Variants in GANC observed in about 807,000 individuals in gnomAD.
GANC encodes the protein glucosidase alpha, neutral C.
Under a neutral mutation model 124.2 loss-of-function variants are expected in GANC, and 117 were observed. The ratio of observed to expected loss-of-function variants is 0.94; its 90% CI spans 0.81 to 1.10. The LOEUF is 1.10. GANC is among the 50% of genes least tolerant of loss of function. GANC has a pLI of 0.00. For synonymous variants in GANC, 377 were observed against 376.8 expected (o/e 1.00, Z -0.01); for missense variants, 1,140 against 1,095.0 (o/e 1.04, Z -0.58).
intron 17 of GANC, 127 bp downstream of exon 17, chr15:42,340,039 A>T: frequency 7.8e-7 from 1 of 1,281,810 alleles, no homozygotes; most frequent in Non-Finnish European, 1.1e-6. Context: ...TGTTTAATCA[A>T]GTTTCAATAA....
intron 18 of GANC, among the ~76,000 whole-genome samples, chr15:42,341,609 G>C (rs1052907864): frequency 2.6e-5 from 4 of 151,546 alleles, no homozygotes; most frequent in Non-Finnish European, 5.9e-5. Flanking sequence ...TGTCACCCAG[G>C]CTGGAGTGCA....
chr15:42,350,974 G>C (rs1254188327), intron 22 of GANC, among the ~76,000 whole-genome samples: 4 of 151,130 alleles, frequency 2.6e-5, no homozygotes, highest in Admixed American at 6.6e-5. Context: ...CAGGTTCGGG[G>C]GATTCTCGTG....
Position 42,343,078 on chromosome 15 carries a change from G to A in GANC, c.2153G>A (p.Gly718Glu), listed in dbSNP as rs770599159. ...TFDMEDEYMLGSALLVHPVTE... is the reference protein window; with the variant it reads ...TFDMEDEYMLESALLVHPVTE... ...ACTTTATTTCCTCTCCATTACTTAG[G>A]GAGTGCATTATTGGTTCATCCAGTC... Residue 718 changes from glycine to glutamate, a missense_variant and splice_region_variant, in exon 19 of 24, where the codon GGG becomes GAG. Transcript: ENST00000318010. 3 of 1,612,758 alleles carry A rather than the reference G, an allele frequency of 1.9e-6. No individual in the cohort carries two copies. In the South Asian group the frequency reaches 3.3e-5, roughly 18 times the overall value.
chr15:42,330,542 A>G (rs1211024553), intron 14 of GANC, 34 bp from the exon 15 acceptor site: 2 of 1,507,172 alleles, frequency 1.3e-6, no homozygotes, highest in Admixed American at 3.4e-5. Flanking sequence ...AAATCCAATC[A>G]TCTCTTTGAA....
chr15:42,329,401 T>C lies in GANC; in HGVS notation c.1596T>C (p.His532=). The change falls in exon 14 of 24, where the codon CAT becomes CAC. Residue 532 remains histidine (H), a synonymous_variant. Transcript: ENST00000318010. ...EQTMQKNAIH[H]GNWEHRELHN... Reference sequence around the variant, plus strand: ...CCATGCAGAAGAATGCCATTCATCATGGCAATTGGGAGCACAGAGAGCTCC... The same window carrying C: ...CCATGCAGAAGAATGCCATTCATCACGGCAATTGGGAGCACAGAGAGCTCC... 3 of 1,614,000 alleles carry C rather than the reference T, an allele frequency of 1.9e-6. No individual in the cohort carries two copies. Among genetic ancestry groups the C allele is most frequent in the African/African-American group, 1.3e-5 (1 of 75,052 alleles).
intron 3 of GANC, among the ~76,000 whole-genome samples, chr15:42,285,623 C>T (rs909659274): frequency 3.9e-5 from 6 of 151,982 alleles, no homozygotes; most frequent in African/African-American, 1.5e-4. Context: ...GGTGAAACCC[C>T]ATCTCTATTA....
intron 14 of GANC, 84 bp from the exon 15 acceptor site, chr15:42,330,492 G>C (rs2052233522): frequency 2.3e-6 from 2 of 875,576 alleles, no homozygotes; most frequent in Non-Finnish European, 3.8e-6. Flanking sequence ...CCTACTGTTT[G>C]CTTTTTGTAT....
In GANC at chr15:42,273,592, C is replaced by G; in HGVS notation, c.-890C>G. 1 of 944,284 alleles carries G rather than the reference C, an allele frequency of 1.1e-6. No individual in the cohort carries two copies. Among genetic ancestry groups the G allele is most frequent in the Non-Finnish European group, 1.5e-6 (1 of 651,628 alleles). 58.5% of individuals were successfully genotyped at this position (944,284 alleles called of 1,614,324 possible). On this transcript the variant is annotated 5_prime_UTR_variant, in exon 1 of 24. Transcript: ENST00000318010. ...TGAGACTTTGGACCTACTGCGCAGG[C>G]GTCATCCTGTTGGAACCTGGTCAGC...
intron 6 of GANC, among the ~76,000 whole-genome samples, chr15:42,301,892 A>G (rs2051949037): frequency 6.6e-6 from 1 of 152,212 alleles, no homozygotes; most frequent in South Asian, 2.1e-4. Context: ...CCTGGGACAG[A>G]GCACCTGGGG....
intron 6 of GANC, among the ~76,000 whole-genome samples, chr15:42,302,487 T>G (rs559015995): frequency 2.6e-5 from 4 of 152,070 alleles, no homozygotes; most frequent in African/African-American, 9.7e-5. Context: ...TGAACAAAAT[T>G]GGACGGAGAA....
At chr15:42,287,611 T>A in intron 3 of GANC, 80 bp from the exon 4 acceptor site, 1 of 1,461,136 alleles carries the variant, frequency 6.8e-7, no homozygotes, top group Non-Finnish European at 9.3e-7. Context: ...AACAAATACT[T>A]TCCTAATTAT....
rs1379247001 is a variant in GANC, at chr15:42,292,717, T to C, written c.330-18T>C. ...AACCTATAGCAGCTTGTTTCTCTCT[T>C]CCTGTTTTGTTTTCTAGGCTGATTT... On this transcript the variant is annotated intron_variant, in intron 4 of 23. Transcript: ENST00000318010. 6.2e-7 allele frequency: 1 copy of C among 1,609,296 alleles called. No homozygotes were observed. Among genetic ancestry groups the C allele is most frequent in the Non-Finnish European group, 8.5e-7 (1 of 1,176,752 alleles).
chr15:42,273,530 G>A lies in GANC; in HGVS notation c.-952G>A. Reference sequence around the variant, plus strand: ...TCGCGGAGCTTGTTTGCTGTGCGGCGTAGCGGCCCCTCTCTCAGACAGTCG... The same window carrying A: ...TCGCGGAGCTTGTTTGCTGTGCGGCATAGCGGCCCCTCTCTCAGACAGTCG... On this transcript the variant is annotated 5_prime_UTR_variant, in exon 1 of 24. Coordinates refer to ENST00000318010, the MANE Select transcript of GANC (RefSeq NM_198141.3). 2 of 1,441,004 alleles carry A rather than the reference G, an allele frequency of 1.4e-6. No individual in the cohort carries two copies. The highest frequency in any genetic ancestry group is 1.8e-6 in the Non-Finnish European group (2 of 1,083,092). The allele number at this position is 1,441,004 out of a possible 1,614,324, so 89.3% of individuals were successfully genotyped here. A position where few individuals can be genotyped will look rare whatever the true frequency, so the allele number is the denominator to read the frequency against.
chr15:42,336,394 A>T (rs554391239), intron 15 of GANC, among the ~76,000 whole-genome samples: 1 of 152,352 alleles, frequency 6.6e-6, no homozygotes, highest in South Asian at 2.1e-4. Flanking sequence ...AGGACTCCCT[A>T]TTCAACAAGT....
chr15:42,295,204 G>C (rs1253865122), intron 5 of GANC, among the ~76,000 whole-genome samples: 1 of 151,974 alleles, frequency 6.6e-6, no homozygotes, highest in Non-Finnish European at 1.5e-5. Context: ...TCGATCTCCT[G>C]AACTCGTGAT....
chr15:42,292,615 C>T, intron 4 of GANC, 120 bp from the exon 5 acceptor site: 1 of 967,690 alleles, frequency 1.0e-6, no homozygotes, highest in Non-Finnish European at 1.5e-6. Context: ...TCTCTGTTGC[C>T]TTATCTATGG....
intron 15 of GANC, among the ~76,000 whole-genome samples, chr15:42,332,146 T>G (rs1002100903): frequency 2.6e-5 from 4 of 152,174 alleles, no homozygotes; most frequent in Non-Finnish European, 4.4e-5. Flanking sequence ...CAAGTCTTAT[T>G]TCTTATTATC....
chr15:42,350,654 G>A (rs943503923), intron 22 of GANC, among the ~76,000 whole-genome samples: 5 of 148,956 alleles, frequency 3.4e-5, no homozygotes, highest in East Asian at 4.0e-4. Context: ...CCGGGTTCAA[G>A]CAATTCTCCT....
In GANC at chr15:42,302,231, G is replaced by A. The variant is rs188153226; in HGVS notation, c.559-4315G>A. Reference sequence around the variant, plus strand: ...CAAACAGTGTCTGGAATGGACCTCCGGCAAACTTCAGCAGACGTGCAGCAG... The same window carrying A: ...CAAACAGTGTCTGGAATGGACCTCCAGCAAACTTCAGCAGACGTGCAGCAG... On this transcript the variant is annotated intron_variant, in intron 6 of 23. Coordinates refer to ENST00000318010, the MANE Select transcript of GANC (RefSeq NM_198141.3). Among the ~76,000 whole-genome samples the A allele has an allele frequency of 4.6e-5, 7 of 152,270 alleles. 1 individual carries two copies. The highest frequency in any genetic ancestry group is 2.1e-4 in the South Asian group (1 of 4,814).
Sources: allele counts gnomAD v4.1 joint callset (sites outside exome capture counted in the v4.1 genomes callset), GRCh38; gene constraint gnomAD v4.1.1; transcripts MANE v1.5; gene names NCBI Gene and HGNC (gene_info 2026-07-23, HGNC 2026-07-21).